MESD: variants seen among roughly 807,000 people sequenced by gnomAD.
MESD encodes the protein mesoderm development LRP chaperone, also known as LRP chaperone MESD.
In MESD, 7 loss-of-function variants were observed where a neutral mutation model predicts 12.9. The ratio of observed to expected loss-of-function variants is 0.54; its 90% CI spans 0.31 to 1.02. MESD has a LOEUF of 1.02. Among genes scored for constraint, MESD ranks in the 50% least tolerant of loss-of-function variants. The pLI, the probability that MESD is intolerant of heterozygous loss-of-function variation, is 0.05. For synonymous variants in MESD, 126 were observed against 115.6 expected (o/e 1.09, Z -0.58); for missense variants, 342 against 296.7 (o/e 1.15, Z -1.12).
Position 80,968,554 on chromosome 15 carries a change from T to G in MESD, c.*288+10377A>C, listed in dbSNP as rs189969323. Reference sequence around the variant, plus strand: ...TTGGCCAGGCACAGTGGCTCACACCTGTACTCCTTTGGAAGGCCAAGGTGG... The same window carrying G: ...TTGGCCAGGCACAGTGGCTCACACCGGTACTCCTTTGGAAGGCCAAGGTGG... On this transcript the variant is annotated intron_variant, in intron 3 of 4. Coordinates refer to the MESD transcript ENST00000561312. Among the ~76,000 whole-genome samples the G allele has an allele frequency of 2.3e-4, 35 of 152,328 alleles. No homozygotes were observed. In the East Asian group the frequency reaches 6.5e-3, roughly 29 times the overall value.
At position 80,979,293 on chromosome 15, in the gene MESD, T is replaced by G; in HGVS notation, c.631A>C (p.Lys211Gln). The change falls in exon 3 of 3, where the codon AAG becomes CAG. Residue 211 changes from lysine (K) to glutamine (Q), a missense_variant. Physicochemically the swap from Lys to Gln is moderately conservative, Grantham distance 53 (BLOSUM62 1). Coordinates refer to ENST00000261758, the MANE Select transcript of MESD (RefSeq NM_015154.3). Reference protein sequence around the residue: ...NKTKQDKGKKKKEGDLKSRSS... With the variant: ...NKTKQDKGKKQKEGDLKSRSS... ...CGAGATTTCAGATCTCCTTCCTTCT[T>G]TTTTTTGCCCTTGTCTTGCTTTGTT... 1.2e-6 allele frequency: 2 copies of G among 1,614,094 alleles called. No individual in the cohort carries two copies. The highest frequency in any genetic ancestry group is 4.5e-5 in the East Asian group (2 of 44,880).
intron 3 of MESD, among the ~76,000 whole-genome samples, chr15:80,969,951 C>A (rs1162473626): frequency 6.6e-6 from 1 of 152,134 alleles, no homozygotes; most frequent in Non-Finnish European, 1.5e-5. Flanking sequence ...TCCTTGTGTG[C>A]AAAATGGGGA....
intron 2 of MESD, 66 bp downstream of exon 2, chr15:80,981,881 TTAA>T (rs1041232527): frequency 3.6e-5 from 39 of 1,087,476 alleles, no homozygotes; most frequent in Admixed American, 4.6e-5. Flanking sequence ...ATCATCATAA[TTAA>T]TAATAATAAT....
chr15:80,972,145 G>C (rs1413440215), downstream of MESD, among the ~76,000 whole-genome samples: 1 of 152,158 alleles, frequency 6.6e-6, no homozygotes, highest in Non-Finnish European at 1.5e-5. Context: ...TGGATAAGTA[G>C]AGATCAGGAA....
chr15:80,979,141 G>A lies in MESD; in HGVS notation c.*78C>T. On this transcript the variant is annotated 3_prime_UTR_variant, in exon 3 of 3. Coordinates refer to ENST00000261758, the MANE Select transcript of MESD (RefSeq NM_015154.3). ...TGTCATCCGGTGTGCAGTTGCCTGAGACCACTCCCACCCCAGGAGCTGGGC... is the reference window on the plus strand; with the variant it reads ...TGTCATCCGGTGTGCAGTTGCCTGAAACCACTCCCACCCCAGGAGCTGGGC... 1 of 1,541,190 alleles carries A rather than the reference G, an allele frequency of 6.5e-7. No homozygotes were observed.
chr15:80,959,279 G>A (rs1902043984), intron 3 of MESD, among the ~76,000 whole-genome samples: 1 of 152,218 alleles, frequency 6.6e-6, no homozygotes, highest in South Asian at 2.1e-4. Context: ...GTAGATGGAG[G>A]CTGGAGCTGC....
intron 3 of MESD, among the ~76,000 whole-genome samples, chr15:80,968,914 C>T (rs992608196): frequency 6.6e-5 from 10 of 152,078 alleles, no homozygotes; most frequent in African/African-American, 2.4e-4. Flanking sequence ...TGAGGTCGGG[C>T]ACAGTGGTTC....
Position 80,978,855 on chromosome 15 carries a change from A to C in MESD, c.*364T>G. On this transcript the variant is annotated 3_prime_UTR_variant, in exon 3 of 3. Transcript: ENST00000261758. ...AAGTCTTCTCTGATCAGAATTTGCTATCTGATCAGAGCAGGCCACCCAATC... is the reference window on the plus strand; with the variant it reads ...AAGTCTTCTCTGATCAGAATTTGCTCTCTGATCAGAGCAGGCCACCCAATC... 9.1e-6 allele frequency: 2 copies of C among 219,084 alleles called. No individual in the cohort carries two copies. Among genetic ancestry groups the C allele is most frequent in the Non-Finnish European group, 1.8e-5 (2 of 111,474 alleles). 13.6% of individuals were successfully genotyped at this position (219,084 alleles called of 1,614,324 possible).
At position 80,982,082 on chromosome 15, in the gene MESD, A is replaced by G; in HGVS notation, c.314T>C (p.Leu105Ser). Reference protein sequence around the residue: ...KIDPSKPESILKMTKKGKTLM... With the variant: ...KIDPSKPESISKMTKKGKTLM... ...AGTCTTCCCTTTTTTCGTCATTTTC[A>G]ATATGCTTTCAGGCTTGCTTGGGTC... The change falls in exon 2 of 3, where the codon TTG becomes TCG. Residue 105 changes from leucine (L) to serine (S), a missense_variant. Coordinates refer to ENST00000261758, the MANE Select transcript of MESD (RefSeq NM_015154.3). The G allele has an allele frequency of 6.2e-7, 1 of 1,614,074 alleles. No individual in the cohort carries two copies. Among genetic ancestry groups the G allele is most frequent in the Non-Finnish European group, 8.5e-7 (1 of 1,180,004 alleles).
chr15:80,974,279 C>A (rs779265427), downstream of MESD, among the ~76,000 whole-genome samples: 7 of 152,168 alleles, frequency 4.6e-5, no homozygotes, highest in African/African-American at 1.4e-4. Flanking sequence ...AAAGAGCCAG[C>A]GAGAATTCAC....
intron 3 of MESD, among the ~76,000 whole-genome samples, chr15:80,970,070 G>C (rs1902253418): frequency 6.6e-6 from 1 of 151,472 alleles, no homozygotes; most frequent in Non-Finnish European, 1.5e-5. Context: ...AGAGAATTCA[G>C]AGAGAGAGGT....
chr15:80,948,755 C>T, exon 5 of MESD: 1 of 1,613,662 alleles, frequency 6.2e-7, no homozygotes, highest in Non-Finnish European at 8.5e-7. Flanking sequence ...CAGCCGTCCT[C>T]TCATAGGGCT....
rs1902415257 is a variant in MESD, at chr15:80,976,273, G to A, written c.*2946C>T. 6.6e-6 allele frequency: 1 copy of A among 152,462 alleles called. No homozygotes were observed. The highest frequency in any genetic ancestry group is 2.4e-5 in the African/African-American group (1 of 41,442). The allele number at this position is 152,462 out of a possible 1,614,324, so 9.4% of individuals were successfully genotyped here. ...CCCAAAGTACTGGGATTACAGGCGT[G>A]AGCCACTGTACCCAGCCCAACATTT... On this transcript the variant is annotated 3_prime_UTR_variant, in exon 3 of 3. Coordinates refer to ENST00000261758, the MANE Select transcript of MESD (RefSeq NM_015154.3).
At chr15:80,983,595 A>C (rs759234867) in intron 1 of MESD, among the ~76,000 whole-genome samples, 7 of 152,212 alleles carry the variant, frequency 4.6e-5, no homozygotes, top group Non-Finnish European at 1.0e-4. Context: ...ATGAGTAAAC[A>C]GATTAATGGA....
At position 80,978,219 on chromosome 15, in the gene MESD, T is replaced by C. The variant is rs1324225698; in HGVS notation, c.*1000A>G. ...TTCTAACCATGTAATGTGCTACTTT[T>C]AATTTATTAAAATCACAATTGAGGG... On this transcript the variant is annotated 3_prime_UTR_variant, in exon 3 of 3. Coordinates refer to ENST00000261758, the MANE Select transcript of MESD (RefSeq NM_015154.3). 1.3e-5 allele frequency: 2 copies of C among 152,198 alleles called. No homozygotes were observed. Among genetic ancestry groups the C allele is most frequent in the African/African-American group, 4.8e-5 (2 of 41,442 alleles). The allele number at this position is 152,198 out of a possible 1,614,324, so 9.4% of individuals were successfully genotyped here.
chr15:80,975,872 G>C lies in MESD; in HGVS notation c.*3347C>G, dbSNP rs1902399324. 6.6e-6 allele frequency: 1 copy of C among 152,186 alleles called. No homozygotes were observed. The highest frequency in any genetic ancestry group is 2.4e-5 in the African/African-American group (1 of 41,456). 9.4% of individuals were successfully genotyped at this position (152,186 alleles called of 1,614,324 possible). ...TTCTCCCAGCTATTTGGGAGGCTGTGGTGGGAAGATCAATTGAGCCGGTAG... is the reference window on the plus strand; with the variant it reads ...TTCTCCCAGCTATTTGGGAGGCTGTCGTGGGAAGATCAATTGAGCCGGTAG... On this transcript the variant is annotated 3_prime_UTR_variant, in exon 3 of 3. Transcript: ENST00000261758.
chr15:80,958,781 G>T (rs949569446), intron 3 of MESD, among the ~76,000 whole-genome samples: 2 of 152,210 alleles, frequency 1.3e-5, no homozygotes, highest in Non-Finnish European at 2.9e-5. Context: ...CAGGTTGGGA[G>T]CAGGATTGTC....
chr15:80,959,175 T>C (rs1009237351), intron 3 of MESD, among the ~76,000 whole-genome samples: 1 of 151,928 alleles, frequency 6.6e-6, no homozygotes, highest in Non-Finnish European at 1.5e-5. Flanking sequence ...GCTGTTGGAG[T>C]TGGGGGAGAC....
At chr15:80,949,081 C>T in intron 4 of MESD, 1 of 944,686 alleles carries the variant, frequency 1.1e-6, no homozygotes, top group Non-Finnish European at 1.7e-6. Context: ...TATCAGAGAC[C>T]CTGGTGCTGC....
Sources: gnomAD v4.1 joint callset for allele counts (sites outside exome capture counted in the v4.1 genomes callset) on GRCh38, gnomAD v4.1.1 for gene constraint, MANE v1.5 for transcripts, NCBI Gene and HGNC (gene_info 2026-07-23, HGNC 2026-07-21) for gene names.